The following PGM5 variants were observed in gnomAD, a reference collection of about 807,000 sequenced individuals.
PGM5 encodes the protein phosphoglucomutase-like protein 5.
Under a neutral mutation model 59.2 loss-of-function variants are expected in PGM5, and 23 were observed. The ratio of observed to expected loss-of-function variants is 0.39; its 90% CI spans 0.28 to 0.55. The LOEUF (loss-of-function observed/expected upper bound fraction) is 0.55. Ranked by LOEUF, PGM5 falls within the 20% of genes least tolerant of loss-of-function variation. PGM5 has a pLI of 0.66. For missense variants in PGM5, 574 were observed against 748.3 expected (o/e 0.77, Z 2.72); for synonymous variants, 214 against 286.0 (o/e 0.75, Z 2.54).
Position 68,437,216 on chromosome 9 carries a change from G to A in PGM5, c.1044-27877G>A, listed in dbSNP as rs1254126915. On this transcript the variant is annotated intron_variant, in intron 6 of 10. Transcript: ENST00000396396. This position sits in a 1 kb window ranked among gnomAD's most constrained non-coding sequence, Gnocchi z 4.1. ...CAAATTAAAAATTCTTGGCAACATAGATTAATGATCATTTTTGAGATTTTT... is the reference window on the plus strand; with the variant it reads ...CAAATTAAAAATTCTTGGCAACATAAATTAATGATCATTTTTGAGATTTTT... Among the ~76,000 whole-genome samples the A allele has an allele frequency of 1.3e-5, 2 of 152,098 alleles. No individual in the cohort carries two copies. The highest frequency in any genetic ancestry group is 2.9e-5 in the Non-Finnish European group (2 of 68,018).
intron 6 of PGM5, among the ~76,000 whole-genome samples, chr9:68,440,942 A>T (rs187564827): frequency 6.6e-6 from 1 of 152,200 alleles, no homozygotes; most frequent in Admixed American, 6.5e-5. Flanking sequence ...AAAAGAGAGA[A>T]GACACAAATT....
chr9:68,443,669 A>G (rs908066287), intron 6 of PGM5, among the ~76,000 whole-genome samples: 2 of 152,260 alleles, frequency 1.3e-5, no homozygotes, highest in Non-Finnish European at 2.9e-5. Flanking sequence ...AGGGCAAGTA[A>G]CTTGCAGCAG....
chr9:68,422,826 T>G (rs1374662023), intron 6 of PGM5, among the ~76,000 whole-genome samples: 1 of 152,182 alleles, frequency 6.6e-6, no homozygotes, highest in East Asian at 1.9e-4. Flanking sequence ...ACCCATCACC[T>G]GAGCAGTACA....
intron 10 of PGM5, among the ~76,000 whole-genome samples, chr9:68,522,728 T>A (rs1345107003): frequency 1.3e-5 from 2 of 152,178 alleles, no homozygotes; most frequent in African/African-American, 2.4e-5. Flanking sequence ...AAGAGTAGGG[T>A]CTGTCACATG....
intron 10 of PGM5, among the ~76,000 whole-genome samples, chr9:68,518,547 A>C (rs1248373161): frequency 6.6e-6 from 1 of 152,230 alleles, no homozygotes; most frequent in Non-Finnish European, 1.5e-5. Context: ...TCAGCAAATA[A>C]CTGAAAACTA....
chr9:68,523,328 C>T (rs746194188), intron 10 of PGM5, among the ~76,000 whole-genome samples: 6 of 152,130 alleles, frequency 3.9e-5, no homozygotes, highest in African/African-American at 7.2e-5. Flanking sequence ...TCCTGGGAAG[C>T]TGTTGGAAAT....
chr9:68,527,026 C>T (rs1247339845), intron 10 of PGM5, among the ~76,000 whole-genome samples: 1 of 152,136 alleles, frequency 6.6e-6, no homozygotes, highest in Non-Finnish European at 1.5e-5. Flanking sequence ...CTTTTGGTCA[C>T]GGACATCTAG....
intron 9 of PGM5, among the ~76,000 whole-genome samples, chr9:68,488,730 G>A (rs1554687714): frequency 6.6e-6 from 1 of 152,150 alleles, no homozygotes; most frequent in East Asian, 1.9e-4. Flanking sequence ...GATTTAGAAA[G>A]CATTTTCATG....
chr9:68,422,792 T>C (rs1314518056), intron 6 of PGM5, among the ~76,000 whole-genome samples: 2 of 152,188 alleles, frequency 1.3e-5, no homozygotes, highest in African/African-American at 4.8e-5. Context: ...AGTTCTTTAG[T>C]GGTGATTTGT....
intron 7 of PGM5, among the ~76,000 whole-genome samples, chr9:68,468,681 T>G (rs1022575547): frequency 6.6e-6 from 1 of 152,218 alleles, no homozygotes; most frequent in Non-Finnish European, 1.5e-5. Flanking sequence ...GTTAACAGTT[T>G]GTTCTAATTG....
chr9:68,522,086 C>T (rs977440399), intron 10 of PGM5, among the ~76,000 whole-genome samples: 2 of 152,130 alleles, frequency 1.3e-5, no homozygotes, highest in Non-Finnish European at 2.9e-5. Flanking sequence ...GAAATCCTGT[C>T]TTTACTAAAA....
At chr9:68,411,636 C>G (rs1213795310) in intron 6 of PGM5, among the ~76,000 whole-genome samples, 1 of 151,932 alleles carries the variant, frequency 6.6e-6, no homozygotes, top group Non-Finnish European at 1.5e-5. Context: ...TTATTGAAAA[C>G]CTTCTCTGGG....
chr9:68,424,212 T>C (rs1437930822), intron 6 of PGM5, among the ~76,000 whole-genome samples: 2 of 152,212 alleles, frequency 1.3e-5, no homozygotes, highest in African/African-American at 4.8e-5. Flanking sequence ...ACAAAGTGTT[T>C]CATGGAACAC....
At chr9:68,494,287 G>A (rs1236959159) in intron 9 of PGM5, among the ~76,000 whole-genome samples, 1 of 152,084 alleles carries the variant, frequency 6.6e-6, no homozygotes, top group Non-Finnish European at 1.5e-5. Context: ...AGGCCCCAGG[G>A]GGAAGCTTTC....
chr9:68,416,537 CT>C (rs1172543033), intron 6 of PGM5, among the ~76,000 whole-genome samples: 1 of 152,168 alleles, frequency 6.6e-6, no homozygotes, highest in Non-Finnish European at 1.5e-5. Context: ...AGTTTGAATT[CT>C]TCTTTCAGGA....
rs144115918 is a variant in PGM5 at position 68,432,326 on chromosome 9, A to G, written c.1044-32767A>G. On this transcript the variant is annotated intron_variant, in intron 6 of 10. Transcript: ENST00000396396. ...GCAATTCTCCTGTCTCAGCAACCCA[A>G]GTAGCTGGATTACACAGGCAAGCGC... Among the ~76,000 whole-genome samples, 44 of 151,648 alleles carry G rather than the reference A, an allele frequency of 2.9e-4. No individual in the cohort carries two copies. In the East Asian group the frequency reaches 8.4e-3, roughly 29 times the overall value.
chr9:68,490,081 TA>T (rs1200613608), intron 9 of PGM5, among the ~76,000 whole-genome samples: 2 of 152,250 alleles, frequency 1.3e-5, no homozygotes, highest in African/African-American at 4.8e-5. Flanking sequence ...CTGCTCTTTT[TA>T]ATTTCAGTGT....
chr9:68,412,131 A>G (rs1334201472), intron 6 of PGM5, among the ~76,000 whole-genome samples: 2 of 150,208 alleles, frequency 1.3e-5, no homozygotes, highest in Non-Finnish European at 3.0e-5. Flanking sequence ...CTCTTTTCTA[A>G]TCTGCTTCTT....
At chr9:68,480,654 G>C (rs559283963) in intron 8 of PGM5, among the ~76,000 whole-genome samples, 2 of 151,200 alleles carry the variant, frequency 1.3e-5, no homozygotes, top group Non-Finnish European at 2.9e-5. Context: ...AGTGGAGATC[G>C]TGCCACTGCA....
Sources: allele counts gnomAD v4.1 joint callset (sites outside exome capture counted in the v4.1 genomes callset), GRCh38; gene constraint gnomAD v4.1.1; non-coding constraint Gnocchi (gnomAD v3.1); transcripts MANE v1.5; gene names NCBI Gene and HGNC (gene_info 2026-07-23, HGNC 2026-07-21).